The following NEDD4L variants were observed in gnomAD, a reference collection of about 807,000 sequenced individuals.
The protein encoded by NEDD4L is E3 ubiquitin-protein ligase NEDD4-like.
Under a neutral mutation model 148.9 loss-of-function variants are expected in NEDD4L, and 54 were observed. The ratio of observed to expected loss-of-function variants is 0.36; its 90% CI spans 0.29 to 0.45. The LOEUF (loss-of-function observed/expected upper bound fraction) is 0.45, where lower values mean the gene tolerates loss of function less well. Ranked by LOEUF, NEDD4L falls within the 20% of genes least tolerant of loss-of-function variation. NEDD4L has a pLI of 1.00. For synonymous variants in NEDD4L, 433 were observed against 440.7 expected, an observed-to-expected ratio of 0.98 and a Z score of 0.22; for missense variants, 856 against 1,233.8, an observed-to-expected ratio of 0.69 and a Z score of 4.59.
At chr18:58,245,846 ATTTTTT>A (rs58940181) in intron 3 of NEDD4L, among the ~76,000 whole-genome samples, 8 of 91,522 alleles carry the variant, frequency 8.7e-5, no homozygotes, top group Admixed American at 2.7e-4. Context: ...ATGCCTGGCT[ATTTTTT>A]TTTTTTTTTT....
intron 5 of NEDD4L, among the ~76,000 whole-genome samples, chr18:58,266,497 T>G (rs2050238318): frequency 6.6e-6 from 1 of 152,148 alleles, no homozygotes; most frequent in African/African-American, 2.4e-5. Context: ...CCAGTGGGTT[T>G]GTATCTCTGT....
At chr18:58,267,700 T>G (rs1203730546) in intron 5 of NEDD4L, among the ~76,000 whole-genome samples, 1 of 152,084 alleles carries the variant, frequency 6.6e-6, no homozygotes, top group Admixed American at 6.5e-5. Context: ...TTCAAGATGC[T>G]TTCTGCTGCC....
intron 1 of NEDD4L, among the ~76,000 whole-genome samples, chr18:58,143,581 T>C (rs765049004): frequency 2.0e-5 from 3 of 152,166 alleles, no homozygotes; most frequent in Non-Finnish European, 4.4e-5. Flanking sequence ...GAAAGCAAGC[T>C]CACAGAGGGA....
chr18:58,377,795 G>A (rs534869310), intron 24 of NEDD4L, among the ~76,000 whole-genome samples: 3 of 152,274 alleles, frequency 2.0e-5, no homozygotes, highest in Admixed American at 2.0e-4. Context: ...CCAGGCTGGA[G>A]TGCAGTGGCA....
intron 19 of NEDD4L, among the ~76,000 whole-genome samples, chr18:58,362,224 A>T (rs746230627): frequency 3.3e-5 from 5 of 152,240 alleles, no homozygotes; most frequent in Non-Finnish European, 5.9e-5. Context: ...GGAATTTGTC[A>T]TTTAAGACAG....
intron 1 of NEDD4L, among the ~76,000 whole-genome samples, chr18:58,053,330 A>G (rs1598945542): frequency 6.6e-6 from 1 of 151,316 alleles, no homozygotes; most frequent in Admixed American, 6.6e-5. Flanking sequence ...TTCTTTCCAG[A>G]TGGAGTCTCA....
chr18:58,331,042 A>G, intron 11 of NEDD4L, 128 bp downstream of exon 11: 1 of 876,512 alleles, frequency 1.1e-6, no homozygotes, highest in Non-Finnish European at 1.7e-6. Context: ...GACATTTTCC[A>G]AAGTTCCTCC....
intron 5 of NEDD4L, chr18:58,255,351 C>T (rs1052608198): frequency 4.0e-5 from 14 of 349,384 alleles, no homozygotes; most frequent in Admixed American, 3.6e-4. Context: ...GGGAAAACTC[C>T]TCTAAGTCCA....
intron 6 of NEDD4L, among the ~76,000 whole-genome samples, chr18:58,318,854 T>G (rs972836144): frequency 6.6e-6 from 1 of 152,130 alleles, no homozygotes; most frequent in African/African-American, 2.4e-5. Context: ...CCACAAAATC[T>G]CTTCGTCCCT....
chr18:58,052,689 C>A (rs2081929742), intron 1 of NEDD4L, among the ~76,000 whole-genome samples: 1 of 151,680 alleles, frequency 6.6e-6, no homozygotes, highest in African/African-American at 2.4e-5. Flanking sequence ...GATGTGGCCA[C>A]CCATGGTGGC....
intron 13 of NEDD4L, chr18:58,335,902 C>T: frequency 4.2e-6 from 1 of 236,682 alleles, no homozygotes; most frequent in Non-Finnish European, 8.4e-6. Context: ...AAAGAAGCCA[C>T]AGGAATTGCA....
chr18:58,368,899 A>G (rs890835393), intron 22 of NEDD4L, among the ~76,000 whole-genome samples: 2 of 152,234 alleles, frequency 1.3e-5, no homozygotes, highest in African/African-American at 2.4e-5. Context: ...GCCTGCTCCA[A>G]TTCACTCCAA....
intron 1 of NEDD4L, among the ~76,000 whole-genome samples, chr18:58,085,173 T>C (rs1226084096): frequency 6.6e-6 from 1 of 152,186 alleles, no homozygotes; most frequent in African/African-American, 2.4e-5. Context: ...GGCTCCAATG[T>C]GAATTCTGGG....
intron 5 of NEDD4L, among the ~76,000 whole-genome samples, chr18:58,312,183 G>C (rs1488126982): frequency 6.6e-6 from 1 of 152,186 alleles, no homozygotes; most frequent in Admixed American, 6.5e-5. Context: ...AAAAATATTT[G>C]ATGGCTCATT....
At chr18:58,316,231 A>G (rs947747646) in intron 6 of NEDD4L, among the ~76,000 whole-genome samples, 199 bp downstream of exon 6, 1 of 152,158 alleles carries the variant, frequency 6.6e-6, no homozygotes, top group African/African-American at 2.4e-5. Context: ...AGAGTAGTCA[A>G]GGGTGCCTGA....
At chr18:58,268,667 C>G (rs1568525845) in intron 5 of NEDD4L, among the ~76,000 whole-genome samples, 1 of 152,062 alleles carries the variant, frequency 6.6e-6, no homozygotes, top group Non-Finnish European at 1.5e-5. Flanking sequence ...GAAATAGACA[C>G]TCCTTTGTCT....
chr18:58,311,861 A>C (rs1220017435), intron 5 of NEDD4L, among the ~76,000 whole-genome samples: 1 of 152,230 alleles, frequency 6.6e-6, no homozygotes, highest in East Asian at 1.9e-4. Flanking sequence ...CCCATAGGCT[A>C]TAATCTCTTT....
chr18:58,082,212 A>G (rs1448589769), intron 1 of NEDD4L, among the ~76,000 whole-genome samples: 2 of 146,532 alleles, frequency 1.4e-5, no homozygotes, highest in Non-Finnish European at 1.5e-5. Flanking sequence ...GGTTCAAGCA[A>G]TTCTCCTGCC....
chr18:58,182,460 C>A (rs77804202), intron 2 of NEDD4L, among the ~76,000 whole-genome samples: 1,672 of 148,322 alleles, frequency 0.011, 31 homozygotes, highest in African/African-American at 0.038. Flanking sequence ...ATTCTCTGGG[C>A]TGTTAGGACA....
Sources: allele counts gnomAD v4.1 joint callset (sites outside exome capture counted in the v4.1 genomes callset), GRCh38; gene constraint gnomAD v4.1.1; transcripts MANE v1.5; gene names NCBI Gene and HGNC (gene_info 2026-07-23, HGNC 2026-07-21).